Variants in ALDH1L2 observed in about 807,000 individuals in gnomAD.
ALDH1L2 encodes the protein mitochondrial 10-formyltetrahydrofolate dehydrogenase.
A neutral mutation model predicts 111.0 loss-of-function variants in ALDH1L2; 91 were observed. The ratio of observed to expected loss-of-function variants is 0.82; its 90% CI spans 0.69 to 0.98. The LOEUF is 0.98. ALDH1L2 is among the 50% of genes least tolerant of loss of function. The pLI is 0.00. For synonymous variants in ALDH1L2, 374 were observed against 392.6 expected, an observed-to-expected ratio of 0.95 and a Z score of 0.56; for missense variants, 995 against 1,126.8, an observed-to-expected ratio of 0.88 and a Z score of 1.67.
intron 15 of ALDH1L2, among the ~76,000 whole-genome samples, chr12:105,042,880 A>G (rs1565955359): frequency 6.6e-6 from 1 of 152,000 alleles, no homozygotes; most frequent in African/African-American, 2.4e-5. Context: ...GCAAAATGAA[A>G]GCAATACCTT....
intron 9 of ALDH1L2, among the ~76,000 whole-genome samples, chr12:105,058,859 G>T (rs1005062654): frequency 1.3e-5 from 2 of 152,116 alleles, no homozygotes; most frequent in Non-Finnish European, 2.9e-5. Context: ...CTCTAAAAGA[G>T]ATGATACCTT....
At chr12:105,084,226 C>A (rs1482598139) in intron 1 of ALDH1L2, among the ~76,000 whole-genome samples, 163 bp downstream of exon 1, 2 of 151,146 alleles carry the variant, frequency 1.3e-5, no homozygotes, top group Non-Finnish European at 2.9e-5. Context: ...TGAGGTCTCT[C>A]TGTTTTTGTT....
intron 15 of ALDH1L2, among the ~76,000 whole-genome samples, chr12:105,046,209 ATATATATATATATTTTTTTTTTTTTTT>A (rs1875875788): frequency 4.0e-4 from 21 of 52,792 alleles, no homozygotes; most frequent in African/African-American, 1.9e-3. Context: ...ATATATATAT[ATATATATATATATTTTTTTTTTTTTTT>A]TTTTTTTTTT....
intron 10 of ALDH1L2, 101 bp from the exon 11 acceptor site, chr12:105,053,032 C>A: frequency 7.2e-7 from 1 of 1,380,026 alleles, no homozygotes; most frequent in South Asian, 1.3e-5. Flanking sequence ...AGGGAGAAGT[C>A]AATGACATTC....
intron 2 of ALDH1L2, among the ~76,000 whole-genome samples, chr12:105,072,706 G>C (rs1438738240): frequency 2.6e-5 from 4 of 152,222 alleles, no homozygotes; most frequent in African/African-American, 7.2e-5. Flanking sequence ...GGGCGTGGTG[G>C]CTCATGCCTG....
At chr12:105,029,151 C>T (rs1874573536) in intron 21 of ALDH1L2, among the ~76,000 whole-genome samples, 1 of 151,880 alleles carries the variant, frequency 6.6e-6, no homozygotes, top group African/African-American at 2.4e-5. Context: ...CCTTAGCCTC[C>T]GAAGTAGCTG....
At position 105,026,583 on chromosome 12, in the gene ALDH1L2, A is replaced by C. The variant is rs374849803; in HGVS notation, c.2678T>G (p.Phe893Cys). 6.8e-6 allele frequency: 11 copies of C among 1,614,134 alleles called. No individual in the cohort carries two copies. The highest frequency in any genetic ancestry group is 2.2e-5 in the East Asian group (1 of 44,884). The change falls in exon 22 of 23, where the codon TTT (phenylalanine) becomes TGT (cysteine). Residue 893 changes from phenylalanine to cysteine, a missense_variant. Phe to Cys is a radical substitution (Grantham distance 205). Coordinates refer to ENST00000258494, the MANE Select transcript of ALDH1L2 (RefSeq NM_001034173.4). The stretch of plus-strand genomic sequence containing the variant: ...AAAGCCAGATTGTTTAACTCCGCCA[A>C]ATGGGGCCGCCACATCTGTCTTGTT... ...TYNKTDVAAP[F>C]GGVKQSGFGK...
At chr12:105,043,319 A>G (rs948082285) in intron 15 of ALDH1L2, among the ~76,000 whole-genome samples, 5 of 152,232 alleles carry the variant, frequency 3.3e-5, no homozygotes, top group Non-Finnish European at 4.4e-5. Flanking sequence ...CAAGTGGCCA[A>G]AAAATGTGCA....
chr12:105,067,628 G>T lies in ALDH1L2; in HGVS notation c.595-959C>A, dbSNP rs144099027. On this transcript the variant is annotated intron_variant, in intron 4 of 22. Transcript: ENST00000258494. Reference sequence around the variant, plus strand: ...TATTTACGTTTGCCTTGAGTCGAGAGCCTCCCATTTTCACTGCGAGGCCCA... The same window carrying T: ...TATTTACGTTTGCCTTGAGTCGAGATCCTCCCATTTTCACTGCGAGGCCCA... 2.3e-3 allele frequency among the ~76,000 whole-genome samples: 353 copies of T among 152,202 alleles called. 1 individual carries two copies. The highest frequency in any genetic ancestry group is 7.9e-3 in the African/African-American group (330 of 41,518).
At chr12:105,068,987 A>G (rs1877533362) in intron 3 of ALDH1L2, 103 bp from the exon 4 acceptor site, 10 of 1,096,682 alleles carry the variant, frequency 9.1e-6, no homozygotes, top group Non-Finnish European at 1.2e-5. Context: ...AAAAGTAGAC[A>G]ATGAATGAAG....
Position 105,058,137 on chromosome 12 carries a change from A to G in ALDH1L2, c.1223T>C (p.Phe408Ser). ...DVYMATKFEG[F>S]IQKVVRKLRG... ...CAGTTTCCTCACGACCTTTTGGATA[A>G]AGCCTTCAAACTTGGTGGCCATATA... The change falls in exon 10 of 23, where the codon TTT (phenylalanine) becomes TCT (serine). Residue 408 changes from phenylalanine (F) to serine (S), a missense_variant. Transcript: ENST00000258494. 2 of 1,613,718 alleles carry G rather than the reference A, an allele frequency of 1.2e-6. No homozygotes were observed. The highest frequency in any genetic ancestry group is 1.7e-6 in the Non-Finnish European group (2 of 1,179,874).
rs1391341654 is a variant in ALDH1L2, at chr12:105,022,960, C to T, written c.*1464G>A. ...GGATTAATAGAATTTAACTTTCTGG[C>T]TATCTTTTGGAGACTCATGTGATTC... On this transcript the variant is annotated 3_prime_UTR_variant, in exon 23 of 23. Transcript: ENST00000258494. The T allele has an allele frequency of 1.3e-5, 2 of 152,142 alleles. No homozygotes were observed. Among genetic ancestry groups the T allele is most frequent in the Non-Finnish European group, 2.9e-5 (2 of 68,038 alleles). 9.4% of individuals were successfully genotyped at this position (152,142 alleles called of 1,614,324 possible).
chr12:105,057,285 A>G (rs938031953), intron 10 of ALDH1L2, among the ~76,000 whole-genome samples: 1 of 152,134 alleles, frequency 6.6e-6, no homozygotes, highest in African/African-American at 2.4e-5. Context: ...GGATATGGAG[A>G]AGTTGAAACC....
intron 19 of ALDH1L2, among the ~76,000 whole-genome samples, chr12:105,033,203 G>A (rs1874803316): frequency 6.6e-6 from 1 of 152,220 alleles, no homozygotes; most frequent in Non-Finnish European, 1.5e-5. Context: ...CCAGCATGCA[G>A]TGTTTGGTAC....
intron 22 of ALDH1L2, among the ~76,000 whole-genome samples, chr12:105,025,034 A>G (rs1452544143): frequency 1.3e-5 from 2 of 152,230 alleles, no homozygotes. Flanking sequence ...AACACAGGGA[A>G]ACCTGTCTAG....
chr12:105,066,874 A>G (rs1877389013), intron 4 of ALDH1L2, among the ~76,000 whole-genome samples: 1 of 152,170 alleles, frequency 6.6e-6, no homozygotes, highest in Non-Finnish European at 1.5e-5. Flanking sequence ...AAAACATAAC[A>G]CAAATCCTGC....
intron 4 of ALDH1L2, among the ~76,000 whole-genome samples, chr12:105,067,624 G>A (rs564816511): frequency 3.9e-5 from 6 of 152,048 alleles, no homozygotes; most frequent in African/African-American, 1.2e-4. Context: ...GCCTTGAGTC[G>A]AGAGCCTCCC....
intron 9 of ALDH1L2, 67 bp from the exon 10 acceptor site, chr12:105,058,287 G>A (rs1876766228): frequency 6.7e-7 from 1 of 1,497,806 alleles, no homozygotes; most frequent in Non-Finnish European, 8.9e-7. Context: ...TGTGTTATTT[G>A]CACTTGTCAA....
At chr12:105,050,244 T>A in intron 12 of ALDH1L2, 186 bp from the exon 13 acceptor site, 1 of 508,058 alleles carries the variant, frequency 2.0e-6, no homozygotes, top group East Asian at 3.7e-5. Flanking sequence ...ATCATTTGTT[T>A]CAAGAATTAC....
Sources: gnomAD v4.1 joint callset for allele counts (sites outside exome capture counted in the v4.1 genomes callset) on GRCh38, gnomAD v4.1.1 for gene constraint, MANE v1.5 for transcripts, NCBI Gene and HGNC (gene_info 2026-07-23, HGNC 2026-07-21) for gene names.